The following NAV3 variants were observed in gnomAD, a reference collection of about 807,000 sequenced individuals.
NAV3 encodes the protein pore membrane and/or filament interacting like protein 1.
A neutral mutation model predicts 244.7 loss-of-function variants in NAV3; 87 were observed. That is an observed-to-expected ratio of 0.36 (90% CI 0.30 to 0.42). NAV3 has a LOEUF of 0.42. Ranked by LOEUF, NAV3 falls within the 20% of genes least tolerant of loss-of-function variation. The pLI is 1.00. For missense variants in NAV3, 2,663 were observed against 2,893.3 expected (o/e 0.92, Z 1.83); for synonymous variants, 1,126 against 1,042.2 (o/e 1.08, Z -1.55).
At chr12:78,191,471 C>T (rs1052056924) in intron 34 of NAV3, among the ~76,000 whole-genome samples, 6 of 152,102 alleles carry the variant, frequency 3.9e-5, no homozygotes, top group African/African-American at 1.4e-4. Flanking sequence ...ACACACACAT[C>T]TTTGTTCAAA....
chr12:78,004,577 T>A (rs7963857), intron 7 of NAV3, among the ~76,000 whole-genome samples: 1 of 152,036 alleles, frequency 6.6e-6, no homozygotes, highest in Non-Finnish European at 1.5e-5. Context: ...AGGCTACTTA[T>A]TCCTGAATAT....
At chr12:78,181,178 T>C (rs1958483907) in intron 30 of NAV3, 133 bp downstream of exon 30, 2 of 756,220 alleles carry the variant, frequency 2.6e-6, no homozygotes, top group South Asian at 4.4e-5. Context: ...CCTAGTTTGA[T>C]CTTATAAATC....
intron 3 of NAV3, 34 bp downstream of exon 3, chr12:77,941,167 T>C: frequency 2.5e-6 from 3 of 1,211,348 alleles, no homozygotes; most frequent in Non-Finnish European, 3.5e-6. Flanking sequence ...TATATAATGC[T>C]GATCTTCACT....
chr12:78,153,003 A>C (rs951923052), intron 22 of NAV3, among the ~76,000 whole-genome samples: 1 of 152,068 alleles, frequency 6.6e-6, no homozygotes. Flanking sequence ...TTTAAGTATC[A>C]GATATTCATC....
intron 12 of NAV3, among the ~76,000 whole-genome samples, chr12:78,068,005 G>A (rs531504242): frequency 1.3e-5 from 2 of 152,012 alleles, no homozygotes; most frequent in East Asian, 3.9e-4. Flanking sequence ...AGGAAGAGGA[G>A]GAATGAGGAG....
chr12:78,171,187 G>C (rs746850560), intron 24 of NAV3, among the ~76,000 whole-genome samples: 1 of 151,648 alleles, frequency 6.6e-6, no homozygotes, highest in African/African-American at 2.4e-5. Flanking sequence ...CTTTCCATGT[G>C]GGGGAGTGAT....
chr12:77,641,028 G>T (rs1408009682), intron 2 of NAV3, among the ~76,000 whole-genome samples: 1 of 152,164 alleles, frequency 6.6e-6, no homozygotes, highest in Non-Finnish European at 1.5e-5. Context: ...GCAGCTTCTA[G>T]AGAGGATTAC....
At chr12:77,694,115 G>C (rs2137171727) in intron 2 of NAV3, among the ~76,000 whole-genome samples, 1 of 151,842 alleles carries the variant, frequency 6.6e-6, no homozygotes, top group African/African-American at 2.4e-5. Flanking sequence ...TAATCCTAGA[G>C]TTCATGATGT....
Position 78,180,906 on chromosome 12 carries a change from G to C in NAV3, c.5553G>C (p.Arg1851=), listed in dbSNP as rs1264077714. ...AAATACTGAAAGCTGAAAATGACCG[G>C]TTGAAGGCAGAAACTGGTAACACAG... The part of the protein sequence containing the change: ...EIEILKAEND[R]LKAETGNTAK... Residue 1851 remains arginine (R), a synonymous_variant, in exon 30 of 40, where the codon CGG becomes CGC. Transcript: ENST00000397909. The C allele has an allele frequency of 6.2e-7, 1 of 1,612,668 alleles. No individual in the cohort carries two copies. Among genetic ancestry groups the C allele is most frequent in the East Asian group, 2.2e-5 (1 of 44,690 alleles).
At chr12:78,044,579 CGTTT>C (rs1248129323) in intron 9 of NAV3, among the ~76,000 whole-genome samples, 1 of 151,994 alleles carries the variant, frequency 6.6e-6, no homozygotes, top group Non-Finnish European at 1.5e-5. Context: ...AATGTTTTTT[CGTTT>C]GTTTGTGTCC....
At chr12:77,855,711 A>G (rs558959335) in intron 1 of NAV3, among the ~76,000 whole-genome samples, 3 of 152,234 alleles carry the variant, frequency 2.0e-5, no homozygotes, top group African/African-American at 4.8e-5. Context: ...ATAAATAAGC[A>G]TGAGCTAGTC....
At chr12:77,688,654 G>T (rs1170222681) in intron 2 of NAV3, among the ~76,000 whole-genome samples, 2 of 151,964 alleles carry the variant, frequency 1.3e-5, no homozygotes, top group Non-Finnish European at 2.9e-5. Context: ...ATTTATTGCA[G>T]TTGCATTGGT....
chr12:77,855,263 C>T (rs10859491), intron 1 of NAV3, among the ~76,000 whole-genome samples: 67,431 of 152,034 alleles, frequency 0.44, 15,443 homozygotes, highest in Non-Finnish European at 0.5. Context: ...TCCAACTGTT[C>T]GGTATAGCCT....
chr12:77,585,760 A>G (rs1869576726), intron 2 of NAV3, among the ~76,000 whole-genome samples: 1 of 152,222 alleles, frequency 6.6e-6, no homozygotes. Flanking sequence ...CTAACAGGCC[A>G]CAAGCCAGTA....
At chr12:77,803,504 C>T (rs1277211461) in intron 2 of NAV3, among the ~76,000 whole-genome samples, 2 of 152,200 alleles carry the variant, frequency 1.3e-5, no homozygotes, top group Non-Finnish European at 2.9e-5. Flanking sequence ...ATATGGGCCA[C>T]ATTTTCTTTA....
At chr12:78,030,522 G>GTGGTGAA (rs1878800302) in intron 9 of NAV3, among the ~76,000 whole-genome samples, 1 of 152,128 alleles carries the variant, frequency 6.6e-6, no homozygotes, top group African/African-American at 2.4e-5. Context: ...TTGCTCCCTG[G>GTGGTGAA]TTCCCTTTTC....
At chr12:77,980,065 A>G (rs1300557224) in intron 5 of NAV3, among the ~76,000 whole-genome samples, 2 of 152,188 alleles carry the variant, frequency 1.3e-5, no homozygotes, top group South Asian at 2.1e-4. Context: ...GCAGGTGGTC[A>G]GTTAAGCAAT....
chr12:77,827,481 C>T (rs1442665425), upstream of NAV3, among the ~76,000 whole-genome samples: 1 of 151,982 alleles, frequency 6.6e-6, no homozygotes, highest in African/African-American at 2.4e-5. Context: ...CTCTTATTGC[C>T]TAAAACTCCA....
At chr12:77,884,441 A>G (rs1160440854) in intron 1 of NAV3, among the ~76,000 whole-genome samples, 1 of 152,112 alleles carries the variant, frequency 6.6e-6, no homozygotes, top group African/African-American at 2.4e-5. Context: ...GAACCAGGGA[A>G]GCTGATGGTG....
Sources: allele counts gnomAD v4.1 joint callset (sites outside exome capture counted in the v4.1 genomes callset), GRCh38; gene constraint gnomAD v4.1.1; transcripts MANE v1.5; gene names NCBI Gene and HGNC (gene_info 2026-07-23, HGNC 2026-07-21).